NEGR1: variants seen among roughly 807,000 people sequenced by gnomAD.
The protein encoded by NEGR1 is IgLON family member 4.
In NEGR1, 10 loss-of-function variants were observed where a neutral mutation model predicts 40.9. The observed-to-expected ratio is 0.24, with a 90% CI of 0.15 to 0.42. The LOEUF (loss-of-function observed/expected upper bound fraction) is 0.42, where lower values mean the gene tolerates loss of function less well. NEGR1 is among the 10% of genes least tolerant of loss of function. NEGR1 has a pLI of 1.00. For missense variants in NEGR1, 352 were observed against 438.9 expected, an observed-to-expected ratio of 0.80 and a Z score of 1.77; for synonymous variants, 185 against 166.8, an observed-to-expected ratio of 1.11 and a Z score of -0.84.
intron 4 of NEGR1, among the ~76,000 whole-genome samples, chr1:71,652,801 T>G (rs12402398): frequency 6.6e-6 from 1 of 151,542 alleles, no homozygotes; most frequent in Non-Finnish European, 1.5e-5. Flanking sequence ...TAGGTGGAGG[T>G]TGCAATGAGC....
intron 2 of NEGR1, among the ~76,000 whole-genome samples, chr1:71,844,137 T>C (rs574983273): frequency 1.4e-3 from 207 of 152,264 alleles, no homozygotes; most frequent in African/African-American, 4.7e-3. Flanking sequence ...TTACCTGCCA[T>C]GTATTTTTCC....
chr1:72,163,624 T>C (rs1651667280), intron 1 of NEGR1, among the ~76,000 whole-genome samples: 3 of 152,030 alleles, frequency 2.0e-5, no homozygotes, highest in African/African-American at 2.4e-5. Flanking sequence ...TGCCTCCATA[T>C]AGAAGCCAGG....
intron 3 of NEGR1, chr1:71,738,024 A>G (rs1655095131): frequency 6.6e-6 from 1 of 152,292 alleles, no homozygotes; most frequent in African/African-American, 2.4e-5. Flanking sequence ...CCCATGCTGA[A>G]GTAATGAAGT....
At chr1:71,427,119 G>A (rs965416758) in intron 6 of NEGR1, among the ~76,000 whole-genome samples, 1 of 152,166 alleles carries the variant, frequency 6.6e-6, no homozygotes, top group Admixed American at 6.6e-5. Flanking sequence ...GCATGCTCAC[G>A]TTGGAGATGT....
chr1:72,110,715 A>G (rs574218083), intron 1 of NEGR1, among the ~76,000 whole-genome samples: 71 of 151,730 alleles, frequency 4.7e-4, no homozygotes, highest in African/African-American at 1.4e-3. Flanking sequence ...GAACATACTT[A>G]GAAATAAGAC....
intron 1 of NEGR1, among the ~76,000 whole-genome samples, chr1:71,997,055 C>T (rs911017432): frequency 6.6e-6 from 1 of 151,844 alleles, no homozygotes; most frequent in Admixed American, 6.6e-5. Flanking sequence ...GTATTAATGT[C>T]ACCTCTATTT....
At chr1:71,416,654 G>C (rs2101270888) in intron 6 of NEGR1, among the ~76,000 whole-genome samples, 1 of 152,216 alleles carries the variant, frequency 6.6e-6, no homozygotes, top group African/African-American at 2.4e-5. Flanking sequence ...AAATCCAAAG[G>C]ACTTTGTATG....
At chr1:71,420,953 T>C (rs2101278362) in intron 6 of NEGR1, among the ~76,000 whole-genome samples, 1 of 152,106 alleles carries the variant, frequency 6.6e-6, no homozygotes, top group East Asian at 1.9e-4. Context: ...ACAAAATGAG[T>C]TTGTTCTACA....
At chr1:71,791,527 C>A (rs1657118037) in intron 2 of NEGR1, among the ~76,000 whole-genome samples, 1 of 151,998 alleles carries the variant, frequency 6.6e-6, no homozygotes, top group African/African-American at 2.4e-5. Context: ...TGCCTACCAA[C>A]TTTTACCTAT....
At chr1:71,769,908 G>A (rs1656256020) in intron 3 of NEGR1, among the ~76,000 whole-genome samples, 1 of 152,180 alleles carries the variant, frequency 6.6e-6, no homozygotes, top group South Asian at 2.1e-4. Context: ...ACAATTCTGT[G>A]AATTGGGTAC....
intron 1 of NEGR1, among the ~76,000 whole-genome samples, chr1:72,103,917 T>C (rs1250434980): frequency 6.6e-6 from 1 of 152,024 alleles, no homozygotes; most frequent in Non-Finnish European, 1.5e-5. Context: ...ACAGACAAAA[T>C]TTTTAGAAGA....
intron 1 of NEGR1, among the ~76,000 whole-genome samples, chr1:71,971,613 T>C (rs1184635096): frequency 1.3e-5 from 2 of 152,206 alleles, no homozygotes; most frequent in Non-Finnish European, 2.9e-5. Flanking sequence ...ATTTCAACAA[T>C]TAAAAATATT....
chr1:71,823,751 A>G (rs553356525), intron 2 of NEGR1, among the ~76,000 whole-genome samples: 6 of 152,198 alleles, frequency 3.9e-5, no homozygotes, highest in African/African-American at 1.4e-4. Flanking sequence ...CTGTACAGAT[A>G]AAGTGTTGAG....
chr1:71,474,515 AAT>A (rs1193497452), intron 6 of NEGR1, among the ~76,000 whole-genome samples: 2 of 91,044 alleles, frequency 2.2e-5, no homozygotes, highest in Non-Finnish European at 4.7e-5. Context: ...CTCTACTAAC[AAT>A]ACACACACAC....
chr1:71,497,982 A>G (rs1646976115), intron 6 of NEGR1, among the ~76,000 whole-genome samples: 1 of 152,016 alleles, frequency 6.6e-6, no homozygotes, highest in Non-Finnish European at 1.5e-5. Flanking sequence ...CTGAATTAAA[A>G]CTTAGGAGCT....
intron 1 of NEGR1, among the ~76,000 whole-genome samples, chr1:72,127,123 C>T (rs1650050160): frequency 6.6e-6 from 1 of 152,152 alleles, no homozygotes. Context: ...TTGGTGAATA[C>T]TGACAGCAAT....
At chr1:72,107,793 ACATATATATG>A (rs1649196595) in intron 1 of NEGR1, among the ~76,000 whole-genome samples, 1 of 151,310 alleles carries the variant, frequency 6.6e-6, no homozygotes. Flanking sequence ...TGGTGGATGT[ACATATATATG>A]CATATATATG....
chr1:72,005,829 C>T (rs928963875), intron 1 of NEGR1, among the ~76,000 whole-genome samples: 1 of 152,092 alleles, frequency 6.6e-6, no homozygotes. Flanking sequence ...AAATCAACTA[C>T]AGTATAAAAC....
chr1:72,245,957 T>C (rs2100521479), intron 1 of NEGR1, among the ~76,000 whole-genome samples: 1 of 152,296 alleles, frequency 6.6e-6, no homozygotes, highest in Non-Finnish European at 1.5e-5. Flanking sequence ...GTGAATTAAA[T>C]ACAACATTTA....
Sources: allele counts gnomAD v4.1 joint callset (sites outside exome capture counted in the v4.1 genomes callset), GRCh38; gene constraint gnomAD v4.1.1; transcripts MANE v1.5; gene names NCBI Gene and HGNC (gene_info 2026-07-23, HGNC 2026-07-21).